DENND4A: variants seen among roughly 807,000 people sequenced by gnomAD.
DENND4A encodes C-myc promoter-binding protein.
DENND4A carries 70 observed loss-of-function variants against 199.3 expected under a neutral mutation model. The observed-to-expected ratio is 0.35, with a 90% CI of 0.29 to 0.43. DENND4A has a LOEUF of 0.43. Among genes scored for constraint, DENND4A ranks in the 20% least tolerant of loss-of-function variants. DENND4A has a pLI of 1.00. For missense variants in DENND4A, 1,723 were observed against 2,255.8 expected (o/e 0.76, Z 4.78); for synonymous variants, 686 against 766.9 (o/e 0.89, Z 1.74).
intron 25 of DENND4A, among the ~76,000 whole-genome samples, chr15:65,671,158 G>A (rs2076203686): frequency 6.6e-6 from 1 of 152,064 alleles, no homozygotes; most frequent in Admixed American, 6.5e-5. Context: ...TGTTTATTAT[G>A]TGAAATAAAC....
intron 23 of DENND4A, among the ~76,000 whole-genome samples, chr15:65,678,172 C>T (rs966026703): frequency 1.3e-5 from 2 of 152,192 alleles, no homozygotes; most frequent in African/African-American, 4.8e-5. Context: ...AAGTGATCTG[C>T]CCGCCTCGGC....
In DENND4A at chr15:65,701,920, A is replaced by G. The variant is rs56663630; in HGVS notation, c.2431-30T>C. On this transcript the variant is annotated intron_variant, in intron 17 of 32. Coordinates refer to ENST00000443035, the MANE Select transcript of DENND4A (RefSeq NM_001320835.1). The stretch of plus-strand genomic sequence containing the variant: ...AATACAAGTTCAAAATTGTACCGAA[A>G]CACAGATGTCACCATGTACATAAAT... 9.4e-3 allele frequency: 15,121 copies of G among 1,612,576 alleles called. 226 individuals carry two copies. The highest frequency in any genetic ancestry group is 0.056 in the African/African-American group (4,189 of 74,976).
Position 65,702,428 on chromosome 15 carries a change from A to C in DENND4A, c.2307T>G (p.Tyr769Ter). The stretch of plus-strand genomic sequence containing the variant: ...CTGGGAGACAAATAAACCACAGTCC[A>C]TAACAGTGGCGCAGTAGACACCTAG... ...MWSRCLLRHC[Y>*]GLWFICLPAY... The change falls in exon 17 of 33, where the codon TAT becomes TAG. Residue 769 changes from tyrosine to a stop codon, truncating the protein, a stop_gained. Coordinates refer to ENST00000443035, the MANE Select transcript of DENND4A (RefSeq NM_001320835.1). LOFTEE classifies it high-confidence loss of function. 1 of 1,590,104 alleles carries C rather than the reference A, an allele frequency of 6.3e-7. No homozygotes were observed. Among genetic ancestry groups the C allele is most frequent in the Non-Finnish European group, 8.6e-7 (1 of 1,167,848 alleles).
intron 23 of DENND4A, among the ~76,000 whole-genome samples, chr15:65,684,498 G>A (rs2076687038): frequency 6.6e-6 from 1 of 151,966 alleles, no homozygotes; most frequent in Admixed American, 6.6e-5. Context: ...TGTGCTTTTC[G>A]TCCATTAATA....
chr15:65,695,520 GC>G, intron 22 of DENND4A, among the ~76,000 whole-genome samples: 1 of 152,214 alleles, frequency 6.6e-6, no homozygotes, highest in South Asian at 2.1e-4. Flanking sequence ...GCCTTAGTTT[GC>G]CTTTCCCTGA....
chr15:65,667,802 G>T (rs943256164), intron 28 of DENND4A, 99 bp from the exon 29 acceptor site: 1 of 1,485,826 alleles, frequency 6.7e-7, no homozygotes, highest in Non-Finnish European at 9.1e-7. Context: ...TAATATAATT[G>T]TATCATGGGA....
At chr15:65,693,223 G>A (rs1422484970) in intron 22 of DENND4A, among the ~76,000 whole-genome samples, 1 of 152,122 alleles carries the variant, frequency 6.6e-6, no homozygotes, top group Non-Finnish European at 1.5e-5. Flanking sequence ...TGATATTAAG[G>A]TATAGTTTTT....
Position 65,729,255 on chromosome 15 carries a change from A to G in DENND4A, c.1312-8T>C. The G allele has an allele frequency of 1.3e-6, 2 of 1,564,520 alleles. No individual in the cohort carries two copies. The highest frequency in any genetic ancestry group is 1.7e-6 in the Non-Finnish European group (2 of 1,153,852). On this transcript the variant is annotated splice_region_variant and splice_polypyrimidine_tract_variant and intron_variant, in intron 10 of 32. Transcript: ENST00000443035. ...GTGGAAAGGGAAAATCATCTTGGAT[A>G]AACAAAAGATAGGAGAGAATTTAGC...
intron 32 of DENND4A, among the ~76,000 whole-genome samples, chr15:65,663,974 C>G (rs747481197): frequency 4.6e-5 from 7 of 152,158 alleles, no homozygotes; most frequent in Non-Finnish European, 8.8e-5. Context: ...ATAATTTTTC[C>G]TGACTAGTCC....
intron 10 of DENND4A, 47 bp downstream of exon 10, chr15:65,729,483 TAAAC>T: frequency 6.5e-7 from 1 of 1,546,110 alleles, no homozygotes; most frequent in Non-Finnish European, 8.7e-7. Flanking sequence ...GTTATATAAA[TAAAC>T]TAAGTTTAAA....
chr15:65,734,025 GCCTCGTGGGAAGAGAAAGA>G (rs949801530), intron 7 of DENND4A, among the ~76,000 whole-genome samples: 1 of 152,202 alleles, frequency 6.6e-6, no homozygotes, highest in Non-Finnish European at 1.5e-5. Context: ...CTGAAATATG[GCCTCGTGGGAAGAGAAAGA>G]CCTGACCGTC....
intron 4 of DENND4A, among the ~76,000 whole-genome samples, chr15:65,748,842 C>T (rs563087890): frequency 6.6e-6 from 1 of 150,872 alleles, no homozygotes; most frequent in African/African-American, 2.4e-5. Flanking sequence ...AAAAATTAGC[C>T]AGATGTGGTG....
At chr15:65,723,782 C>T (rs1263320419) in intron 11 of DENND4A, among the ~76,000 whole-genome samples, 2 of 152,040 alleles carry the variant, frequency 1.3e-5, no homozygotes, top group Non-Finnish European at 2.9e-5. Context: ...GTTATGTGAA[C>T]GTGGGCTCTC....
intron 24 of DENND4A, among the ~76,000 whole-genome samples, chr15:65,675,497 A>T (rs577832046): frequency 3.9e-5 from 6 of 152,062 alleles, no homozygotes; most frequent in African/African-American, 7.2e-5. Context: ...ACTTAGATAA[A>T]CTACTTGCAA....
At chr15:65,741,914 T>A in intron 4 of DENND4A, 130 bp from the exon 5 acceptor site, 1 of 577,238 alleles carries the variant, frequency 1.7e-6, no homozygotes, top group Non-Finnish European at 2.8e-6. Context: ...CTAGCTATTT[T>A]CAGTTGGCTG....
At chr15:65,699,372 T>C (rs991031639) in intron 20 of DENND4A, among the ~76,000 whole-genome samples, 1 of 151,972 alleles carries the variant, frequency 6.6e-6, no homozygotes, top group Non-Finnish European at 1.5e-5. Context: ...ATTTTTGAAA[T>C]GTAATAATAA....
chr15:65,772,106 G>T, intron 1 of DENND4A: 3 of 912,786 alleles, frequency 3.3e-6, no homozygotes, highest in Admixed American at 1.9e-5. Context: ...GGACGATGTC[G>T]ACACATTTCT....
chr15:65,697,404 C>T (rs1386389632), intron 20 of DENND4A, 21 bp from the exon 21 acceptor site: 3 of 1,464,828 alleles, frequency 2.0e-6, no homozygotes, highest in Non-Finnish European at 2.8e-6. Flanking sequence ...CAAAAATAAA[C>T]AAAACTCTAT....
At chr15:65,701,702 C>T (rs2074874662) in intron 18 of DENND4A, 60 bp downstream of exon 18, 14 of 1,474,336 alleles carry the variant, frequency 9.5e-6, no homozygotes, top group Non-Finnish European at 1.3e-5. Flanking sequence ...ATTATTTCTG[C>T]CATTAATGTT....
Sources: gnomAD v4.1 joint callset for allele counts (sites outside exome capture counted in the v4.1 genomes callset) on GRCh38, gnomAD v4.1.1 for gene constraint, MANE v1.5 for transcripts, NCBI Gene and HGNC (gene_info 2026-07-23, HGNC 2026-07-21) for gene names.